Variants in EXOC4 observed in about 807,000 individuals in gnomAD.
EXOC4 encodes the protein exocyst complex component 4.
A neutral mutation model predicts 107.2 loss-of-function variants in EXOC4; 71 were observed. The observed-to-expected ratio is 0.66, with a 90% CI of 0.55 to 0.81. The LOEUF (loss-of-function observed/expected upper bound fraction) is 0.81, where lower values mean the gene tolerates loss of function less well. Among genes scored for constraint, EXOC4 ranks in the 30% least tolerant of loss-of-function variants. The pLI is 0.00. For synonymous variants in EXOC4, 456 were observed against 441.2 expected (o/e 1.03, Z -0.42); for missense variants, 1,108 against 1,189.6 (o/e 0.93, Z 1.01).
At chr7:134,018,908 C>T (rs112893538) in intron 17 of EXOC4, among the ~76,000 whole-genome samples, 5 of 151,872 alleles carry the variant, frequency 3.3e-5, no homozygotes, top group East Asian at 1.9e-4. Flanking sequence ...GTATTACTTT[C>T]GATGTATGTT....
intron 5 of EXOC4, among the ~76,000 whole-genome samples, chr7:133,321,149 C>T (rs1227284193): frequency 6.6e-6 from 1 of 151,856 alleles, no homozygotes; most frequent in Non-Finnish European, 1.5e-5. Context: ...CATTGGGATA[C>T]CATAAATTAA....
chr7:133,784,150 G>A (rs908948396), intron 10 of EXOC4, among the ~76,000 whole-genome samples: 3 of 151,802 alleles, frequency 2.0e-5, no homozygotes, highest in African/African-American at 7.3e-5. Flanking sequence ...TAACATATAG[G>A]CTTCTCTTTG....
At chr7:133,868,219 G>A (rs1022142313) in intron 11 of EXOC4, among the ~76,000 whole-genome samples, 1 of 152,056 alleles carries the variant, frequency 6.6e-6, no homozygotes, top group Non-Finnish European at 1.5e-5. Context: ...CCATTTATTT[G>A]CAAAACCTCC....
intron 9 of EXOC4, among the ~76,000 whole-genome samples, chr7:133,506,358 G>A (rs1799665379): frequency 6.6e-6 from 1 of 152,094 alleles, no homozygotes; most frequent in Admixed American, 6.6e-5. Context: ...ATCTACACTA[G>A]CAGTTTTAAA....
chr7:133,298,337 C>T (rs924043311), intron 3 of EXOC4, among the ~76,000 whole-genome samples: 32 of 152,006 alleles, frequency 2.1e-4, no homozygotes, highest in African/African-American at 7.0e-4. Context: ...GATTGAAGTG[C>T]GAGCCTGAAG....
intron 2 of EXOC4, among the ~76,000 whole-genome samples, chr7:133,277,617 A>G (rs993330550): frequency 3.3e-5 from 5 of 152,274 alleles, no homozygotes; most frequent in African/African-American, 9.6e-5. Context: ...AAAGAAAATA[A>G]CAATGAAAAC....
intron 7 of EXOC4, among the ~76,000 whole-genome samples, chr7:133,400,553 C>CT (rs958824025): frequency 1.3e-5 from 2 of 151,930 alleles, no homozygotes; most frequent in Non-Finnish European, 2.9e-5. Context: ...TTTTGCTTTT[C>CT]TTTTTTACAA....
At chr7:133,537,382 C>T (rs1317343469) in intron 9 of EXOC4, among the ~76,000 whole-genome samples, 2 of 149,268 alleles carry the variant, frequency 1.3e-5, no homozygotes, top group Non-Finnish European at 3.0e-5. Flanking sequence ...TGGTCTTGAA[C>T]TCCTGACCTC....
At chr7:133,787,173 C>T (rs374784915) in intron 10 of EXOC4, among the ~76,000 whole-genome samples, 381 of 132,312 alleles carry the variant, frequency 2.9e-3, no homozygotes, top group Non-Finnish European at 3.0e-3. Flanking sequence ...TTTTTCTTTT[C>T]TTTTTTTTTT....
chr7:133,742,035 T>G (rs552795579), intron 10 of EXOC4, among the ~76,000 whole-genome samples: 2 of 152,372 alleles, frequency 1.3e-5, no homozygotes, highest in South Asian at 2.1e-4. Context: ...TGTGCTGTTG[T>G]TGTTATTATA....
At position 133,381,077 on chromosome 7, in the gene EXOC4, T is replaced by C. The variant is rs552235218; in HGVS notation, c.1182+6075T>C. Among the ~76,000 whole-genome samples the C allele has an allele frequency of 5.9e-5, 9 of 152,322 alleles. 1 individual carries two copies. The South Asian group carries it at 1.9e-3, about 32-fold the overall frequency. ...TAATCTGTTGATTGTTTCTTAACTATGTATTCTACTCATCTTTATTATTGC... is the reference window on the plus strand; with the variant it reads ...TAATCTGTTGATTGTTTCTTAACTACGTATTCTACTCATCTTTATTATTGC... On this transcript the variant is annotated intron_variant, in intron 7 of 17. Coordinates refer to ENST00000253861, the MANE Select transcript of EXOC4 (RefSeq NM_021807.4).
At chr7:133,417,323 G>C (rs941570734) in intron 7 of EXOC4, among the ~76,000 whole-genome samples, 5 of 152,168 alleles carry the variant, frequency 3.3e-5, no homozygotes, top group Admixed American at 3.3e-4. Flanking sequence ...AGAATACACT[G>C]TCTTTAGAGA....
chr7:133,486,172 A>T (rs1446930221), intron 9 of EXOC4, among the ~76,000 whole-genome samples: 1 of 152,130 alleles, frequency 6.6e-6, no homozygotes, highest in African/African-American at 2.4e-5. Context: ...AAAAGCTCTT[A>T]TACTGGCCTA....
chr7:133,964,531 A>G (rs909604793), intron 14 of EXOC4, among the ~76,000 whole-genome samples: 7 of 151,848 alleles, frequency 4.6e-5, no homozygotes, highest in African/African-American at 1.2e-4. Context: ...CCCTGTGTCC[A>G]TGTGTTCTCA....
intron 17 of EXOC4, among the ~76,000 whole-genome samples, chr7:134,025,012 C>T (rs1166836590): frequency 6.6e-6 from 1 of 152,350 alleles, no homozygotes; most frequent in East Asian, 1.9e-4. Flanking sequence ...ACAATCCCAG[C>T]TGCTGTCTAG....
chr7:133,661,697 A>C (rs1480465851), intron 10 of EXOC4, among the ~76,000 whole-genome samples: 2 of 150,426 alleles, frequency 1.3e-5, no homozygotes, highest in African/African-American at 4.9e-5. Context: ...AACAAAAAAA[A>C]AAAAAACAAG....
chr7:133,419,959 T>C (rs1797564094), intron 7 of EXOC4, among the ~76,000 whole-genome samples: 1 of 109,862 alleles, frequency 9.1e-6, no homozygotes, highest in African/African-American at 3.1e-5. Flanking sequence ...AAGAGTCTGC[T>C]TCTTCTTTTT....
chr7:133,743,311 G>A (rs1248979964), intron 10 of EXOC4, among the ~76,000 whole-genome samples: 1 of 152,130 alleles, frequency 6.6e-6, no homozygotes, highest in African/African-American at 2.4e-5. Context: ...TGATTGAAGG[G>A]CCTGGGTCGT....
rs375177780 is a variant in EXOC4 at position 133,344,463 on chromosome 7, T to C, written c.764-11867T>C. On this transcript the variant is annotated intron_variant, in intron 5 of 17. Transcript: ENST00000253861. ...TTTTTAGCTCATTGGCTCCCTCTTC[T>C]GTCACTATAGCAAAGTCCAGATCTT... 2.0e-5 allele frequency among the ~76,000 whole-genome samples: 3 copies of C among 152,180 alleles called. No individual in the cohort carries two copies. The East Asian group carries it at 5.8e-4, about 29-fold the overall frequency.
Sources: allele counts gnomAD v4.1 joint callset (sites outside exome capture counted in the v4.1 genomes callset), GRCh38; gene constraint gnomAD v4.1.1; transcripts MANE v1.5; gene names NCBI Gene and HGNC (gene_info 2026-07-23, HGNC 2026-07-21).